Variants in PTPRD observed in about 807,000 individuals in gnomAD.
The protein encoded by PTPRD is protein tyrosine phosphatase receptor type D.
Under a neutral mutation model 214.5 loss-of-function variants are expected in PTPRD, and 34 were observed. That is an observed-to-expected ratio of 0.16 (90% CI 0.12 to 0.21). The LOEUF is 0.21. Among genes scored for constraint, PTPRD ranks in the 10% least tolerant of loss-of-function variants. The pLI is 1.00. For missense variants in PTPRD, 2,545 were observed against 2,398.7 expected (o/e 1.06, Z -1.27); for synonymous variants, 1,128 against 845.7 (o/e 1.33, Z -5.79).
rs535006150 is a variant in PTPRD at position 9,922,569 on chromosome 9, T to G, written c.-368+15938A>C. 9.2e-5 allele frequency among the ~76,000 whole-genome samples: 14 copies of G among 152,124 alleles called. No individual in the cohort carries two copies. The East Asian group carries it at 2.7e-3, about 29-fold the overall frequency. ...CTAAAAAGGACTGAAATAGAGATAA[T>G]GTCTATAATCAAAGAACAGGGAAAT... On this transcript the variant is annotated intron_variant, in intron 5 of 45. Transcript: ENST00000381196.
intron 10 of PTPRD, among the ~76,000 whole-genome samples, chr9:9,178,468 T>C (rs1362685238): frequency 6.6e-6 from 1 of 152,138 alleles, no homozygotes. Context: ...CAAATATCTT[T>C]TATTATCTTG....
intron 3 of PTPRD, among the ~76,000 whole-genome samples, chr9:10,131,995 C>T (rs574880746): frequency 6.6e-6 from 1 of 152,130 alleles, no homozygotes; most frequent in African/African-American, 2.4e-5. Context: ...TCTTCAACTA[C>T]ACACCATTCG....
chr9:10,478,976 T>C (rs2099080175), intron 2 of PTPRD, among the ~76,000 whole-genome samples: 1 of 152,044 alleles, frequency 6.6e-6, no homozygotes, highest in Non-Finnish European at 1.5e-5. Context: ...TATTAATAAT[T>C]GAATAAAAAG....
chr9:8,453,232 C>G (rs373847155), intron 33 of PTPRD, among the ~76,000 whole-genome samples: 59 of 152,240 alleles, frequency 3.9e-4, no homozygotes, highest in East Asian at 3.3e-3. Flanking sequence ...GGTGCGATCT[C>G]GGCTCACTGC....
intron 8 of PTPRD, among the ~76,000 whole-genome samples, chr9:9,537,204 T>C (rs905152538): frequency 2.6e-5 from 4 of 151,972 alleles, no homozygotes; most frequent in Non-Finnish European, 5.9e-5. Flanking sequence ...ATGAAATTCC[T>C]ACCAAGGTGT....
chr9:9,885,363 A>C (rs897678081), intron 5 of PTPRD, among the ~76,000 whole-genome samples: 2 of 152,078 alleles, frequency 1.3e-5, no homozygotes, highest in African/African-American at 4.8e-5. Context: ...ATGATGCCTC[A>C]TAGAATCTTT....
At chr9:8,939,649 G>T (rs1042761322) in intron 11 of PTPRD, among the ~76,000 whole-genome samples, 1 of 151,904 alleles carries the variant, frequency 6.6e-6, no homozygotes, top group African/African-American at 2.4e-5. Context: ...AACTTAAAAG[G>T]CAATCTGAAA....
chr9:8,438,433 T>A (rs1324180501), intron 34 of PTPRD, among the ~76,000 whole-genome samples: 2 of 152,192 alleles, frequency 1.3e-5, no homozygotes, highest in Non-Finnish European at 2.9e-5. Context: ...GATATAATAA[T>A]GCCTTTGGAA....
At chr9:8,752,407 G>A (rs532065446) in intron 11 of PTPRD, among the ~76,000 whole-genome samples, 1 of 152,256 alleles carries the variant, frequency 6.6e-6, no homozygotes, top group South Asian at 2.1e-4. Flanking sequence ...GGGGAGGCAT[G>A]AATAACCCAC....
chr9:8,931,378 T>C (rs2098951398), intron 11 of PTPRD, among the ~76,000 whole-genome samples: 1 of 152,124 alleles, frequency 6.6e-6, no homozygotes, highest in Non-Finnish European at 1.5e-5. Flanking sequence ...TGTAGTATAG[T>C]TTGAAGTCAG....
At chr9:9,351,709 G>A (rs1440073980) in intron 9 of PTPRD, among the ~76,000 whole-genome samples, 2 of 151,964 alleles carry the variant, frequency 1.3e-5, no homozygotes, top group Admixed American at 1.3e-4. Flanking sequence ...GTGACATATT[G>A]TCTTAAAACA....
In PTPRD at chr9:8,320,950, G is replaced by A. The variant is rs186894416; in HGVS notation, c.5535-984C>T. On this transcript the variant is annotated intron_variant, in intron 44 of 45. Coordinates refer to ENST00000381196, the MANE Select transcript of PTPRD (RefSeq NM_002839.4). ...GTGTAACACTTGGGCACGGGCTGTAGAAAATAGATGGATTCATTTACTGGA... is the reference window on the plus strand; with the variant it reads ...GTGTAACACTTGGGCACGGGCTGTAAAAAATAGATGGATTCATTTACTGGA... Among the ~76,000 whole-genome samples, 36 of 152,196 alleles carry A rather than the reference G, an allele frequency of 2.4e-4. 1 individual carries two copies. Among genetic ancestry groups the A allele is most frequent in the African/African-American group, 7.5e-4 (31 of 41,568 alleles).
intron 7 of PTPRD, among the ~76,000 whole-genome samples, chr9:9,732,407 A>G (rs1184663432): frequency 6.6e-6 from 1 of 152,182 alleles, no homozygotes; most frequent in African/African-American, 2.4e-5. Flanking sequence ...TAGTATATTA[A>G]GAATGGATTT....
chr9:9,956,094 G>T (rs943171695), intron 4 of PTPRD, among the ~76,000 whole-genome samples: 26 of 151,970 alleles, frequency 1.7e-4, no homozygotes, highest in African/African-American at 5.6e-4. Context: ...TATAGATTTT[G>T]CTCATATTTT....
Position 8,431,380 on chromosome 9 carries a change from T to C in PTPRD, c.4086+5212A>G, listed in dbSNP as rs561327256. On this transcript the variant is annotated intron_variant, in intron 35 of 45. Coordinates refer to ENST00000381196, the MANE Select transcript of PTPRD (RefSeq NM_002839.4). ...AAGCTCCAGAGAAGATATCAGGAAA[T>C]TGCCACAGCCCTTCAGTTTTAGATG... Among the ~76,000 whole-genome samples, 17 of 152,188 alleles carry C rather than the reference T, an allele frequency of 1.1e-4. No homozygotes were observed. The South Asian group carries it at 3.3e-3, about 30-fold the overall frequency.
chr9:8,924,911 A>G (rs1358229755), intron 11 of PTPRD, among the ~76,000 whole-genome samples: 1 of 152,204 alleles, frequency 6.6e-6, no homozygotes, highest in Non-Finnish European at 1.5e-5. Flanking sequence ...CTATGAAGCC[A>G]TCATTTACAA....
intron 12 of PTPRD, among the ~76,000 whole-genome samples, chr9:8,681,999 A>G (rs1384799915): frequency 6.6e-6 from 1 of 152,198 alleles, no homozygotes; most frequent in East Asian, 1.9e-4. Context: ...CCCACAAAAC[A>G]TGCAAGGATT....
At chr9:10,223,841 A>G (rs1200876744) in intron 3 of PTPRD, among the ~76,000 whole-genome samples, 1 of 151,374 alleles carries the variant, frequency 6.6e-6, no homozygotes, top group Non-Finnish European at 1.5e-5. Context: ...GCTTTTGCAA[A>G]TCCTGGAAAA....
intron 9 of PTPRD, among the ~76,000 whole-genome samples, chr9:9,206,932 C>G (rs1000315968): frequency 5.9e-5 from 9 of 152,178 alleles, no homozygotes; most frequent in Non-Finnish European, 1.0e-4. Context: ...ATATATACAT[C>G]TATCCTATTA....
Sources: gnomAD v4.1 joint callset for allele counts (sites outside exome capture counted in the v4.1 genomes callset) on GRCh38, gnomAD v4.1.1 for gene constraint, MANE v1.5 for transcripts, NCBI Gene and HGNC (gene_info 2026-07-23, HGNC 2026-07-21) for gene names.